Variants in ITIH6 observed in about 807,000 individuals in gnomAD.
ITIH6 encodes the protein inter-alpha-trypsin inhibitor heavy chain H6.
ITIH6 carries 60 observed loss-of-function variants against 58.2 expected under a neutral mutation model. The observed-to-expected ratio is 1.03, with a 90% CI of 0.84 to 1.28. ITIH6 has a LOEUF of 1.28. ITIH6 is among the 50% of genes most tolerant of loss of function. The pLI is 0.00. For synonymous variants in ITIH6, 493 were observed against 417.4 expected (o/e 1.18, Z -2.21); for missense variants, 1,290 against 1,021.1 (o/e 1.26, Z -3.59).
rs137927214 is a variant in ITIH6, at chrX:54,750,543, C to T, written c.3731-437G>A. ...GCAGTCTCCAGAGGGATCTTTGTAA[C>T]ACCCAGATATGACTGTGTCTCTCCT... On this transcript the variant is annotated intron_variant, in intron 12 of 12. Coordinates refer to ENST00000218436, the MANE Select transcript of ITIH6 (RefSeq NM_198510.3). Among the ~76,000 whole-genome samples, 393 of 111,743 alleles carry T rather than the reference C, an allele frequency of 3.5e-3. 2 individuals are homozygous for T. Among genetic ancestry groups the T allele is most frequent in the African/African-American group, 0.012 (366 of 30,755 alleles).
chrX:54,785,392 G>T (rs1310785900), intron 5 of ITIH6, among the ~76,000 whole-genome samples: 1 of 111,522 alleles, frequency 9.0e-6, no homozygotes, highest in Non-Finnish European at 1.9e-5. Flanking sequence ...GTAACACAGG[G>T]ATACATGCTT....
At chrX:54,785,289 CTT>C (rs748952208) in intron 5 of ITIH6, among the ~76,000 whole-genome samples, 119 of 110,553 alleles carry the variant, frequency 1.1e-3, no homozygotes, top group African/African-American at 3.7e-3. Context: ...ATGGATAAGA[CTT>C]AGTATTTGAT....
chrX:54,759,310 C>G (rs937722479), intron 7 of ITIH6, among the ~76,000 whole-genome samples: 12 of 111,125 alleles, frequency 1.1e-4, no homozygotes, highest in Non-Finnish European at 1.3e-4. Flanking sequence ...AGGCTAGCAC[C>G]CCCCCCTCCA....
At chrX:54,769,071 C>T (rs1190795387) in intron 6 of ITIH6, among the ~76,000 whole-genome samples, 1 of 101,729 alleles carries the variant, frequency 9.8e-6, no homozygotes, top group African/African-American at 3.8e-5. Context: ...GGAGGCTTTG[C>T]TCATTTCTTT....
At position 54,767,008 on chromosome X, in the gene ITIH6, C is replaced by T. The variant is rs1487440623; in HGVS notation, c.903+7073G>A. Among the ~76,000 whole-genome samples the T allele has an allele frequency of 5.4e-5, 6 of 110,253 alleles. No individual in the cohort carries two copies. In the East Asian group the frequency reaches 1.7e-3, roughly 31 times the overall value. On this transcript the variant is annotated intron_variant, in intron 6 of 12. Coordinates refer to ENST00000218436, the MANE Select transcript of ITIH6 (RefSeq NM_198510.3). The stretch of plus-strand genomic sequence containing the variant: ...CCTCTGGTAGAATTCGGCTATGAAT[C>T]CATCTGGTCCTGGACTCTTTTTGGT...
chrX:54,754,943 C>T (rs1000237378), intron 9 of ITIH6, 74 bp downstream of exon 9: 5 of 807,310 alleles, frequency 6.2e-6, no homozygotes, highest in Non-Finnish European at 9.3e-6. Flanking sequence ...TGGTCTCCCA[C>T]AATGTCAATA....
intron 2 of ITIH6, among the ~76,000 whole-genome samples, chrX:54,794,927 C>T (rs181469838): frequency 6.1e-4 from 68 of 111,817 alleles, no homozygotes; most frequent in Middle Eastern, 4.6e-3. Flanking sequence ...TTTATCACCT[C>T]AACAGGGTAC....
rs1406013540 is a variant in ITIH6, at chrX:54,759,876, A to G, written c.955T>C (p.Phe319Leu). 1 of 1,210,516 alleles carries G rather than the reference A, an allele frequency of 8.3e-7. No individual in the cohort carries two copies. The highest frequency in any genetic ancestry group is 1.7e-5 in the African/African-American group (1 of 57,827). ...GTGTCAGAAAAGGAGATGATGTTGA[A>G]GTAGTCATTGGCTTGAAGGTCACTG... ...ILSDLQANDY[F>L]NIISFSDTVN... The change falls in exon 7 of 13, where the codon TTC becomes CTC. Residue 319 changes from phenylalanine to leucine, a missense_variant. Phe to Leu is a conservative substitution (Grantham distance 22, BLOSUM62 0). Transcript: ENST00000218436.
Position 54,751,281 on chromosome X carries a change from T to A in ITIH6, c.3452A>T (p.Lys1151Ile). The stretch of plus-strand genomic sequence containing the variant: ...GATGGTGATAGTATAGGCCCGGGGT[T>A]TGTCTGTAGTGACTGTGATGATCTG... ...YFQIITVTTD[K>I]PRAYTITISR... The change falls in exon 12 of 13, where the codon AAA (lysine) becomes ATA (isoleucine). Residue 1151 changes from lysine to isoleucine, a missense_variant. Physicochemically the swap from Lys to Ile is moderately radical, Grantham distance 102 (BLOSUM62 -3). Transcript: ENST00000218436. 3 of 1,211,830 alleles carry A rather than the reference T, an allele frequency of 2.5e-6. No homozygotes were observed. The highest frequency in any genetic ancestry group is 3.4e-6 in the Non-Finnish European group (3 of 895,422).
intron 9 of ITIH6, among the ~76,000 whole-genome samples, chrX:54,754,518 G>A (rs1236350265): frequency 8.9e-6 from 1 of 111,996 alleles, no homozygotes; most frequent in Non-Finnish European, 1.9e-5. Context: ...GAAATTTAAA[G>A]TGTGAGAAGG....
rs5961130 is a variant in ITIH6, at chrX:54,755,170, T to C, written c.3110-61A>G. 22,234 of 1,040,114 alleles carry C rather than the reference T, an allele frequency of 0.021. 2,558 individuals carry two copies. In the African/African-American group the frequency reaches 0.35, roughly 16 times the overall value. 85.7% of individuals were successfully genotyped at this position (1,040,114 alleles called of 1,213,427 possible). ...ATTCCAGGGGCAAAGTCTCAAAATC[T>C]TTCTGACAAGGAGAGCCCTCACTGG... is the stretch of plus-strand genomic sequence containing the variant. On this transcript the variant is annotated intron_variant, in intron 8 of 12. Transcript: ENST00000218436.
chrX:54,762,343 G>A (rs1481110289), intron 6 of ITIH6, among the ~76,000 whole-genome samples: 1 of 111,480 alleles, frequency 9.0e-6, no homozygotes, highest in Non-Finnish European at 1.9e-5. Context: ...TTTGGGCTAA[G>A]ACAATGGGGT....
At chrX:54,751,636 T>A (rs1375853629) in intron 11 of ITIH6, among the ~76,000 whole-genome samples, 3 of 112,274 alleles carry the variant, frequency 2.7e-5, no homozygotes, top group Non-Finnish European at 5.6e-5. Context: ...GAGTGTGTAA[T>A]ATGTGTGTTT....
Position 54,759,935 on chromosome X carries a change from A to G in ITIH6, c.904-8T>C, listed in dbSNP as rs1227408925. On this transcript the variant is annotated splice_region_variant and splice_polypyrimidine_tract_variant and intron_variant, in intron 6 of 12. Coordinates refer to ENST00000218436, the MANE Select transcript of ITIH6 (RefSeq NM_198510.3). ...ATTCATGGCCGTTTTAGTCTGTGGG[A>G]TATGGATGAAATGAAGAGAATGGGA... is the stretch of plus-strand genomic sequence containing the variant. The G allele has an allele frequency of 1.0e-5, 12 of 1,193,841 alleles. No individual in the cohort carries two copies. The highest frequency in any genetic ancestry group is 1.2e-5 in the Non-Finnish European group (11 of 883,990).
chrX:54,750,887 G>A (rs1415172245), intron 12 of ITIH6, 116 bp downstream of exon 12: 10 of 781,727 alleles, frequency 1.3e-5, no homozygotes, highest in Non-Finnish European at 1.6e-5. Flanking sequence ...GCTCCCCAAG[G>A]GAAGAGTCTG....
At position 54,757,542 on chromosome X, in the gene ITIH6, G is replaced by A. The variant is rs1928520629; in HGVS notation, c.2532C>T (p.Ile844=). Residue 844 remains isoleucine (I), a synonymous_variant, in exon 8 of 13, where the codon ATC becomes ATT. Transcript: ENST00000218436. ...RNNMPHLGPG[I]LLSKTPKILL... ...AGATTTTAGGGGTCTTGGACAAGAGGATTCCAGGCCCCAGGTGTGGCATGT... is the reference window on the plus strand; with the variant it reads ...AGATTTTAGGGGTCTTGGACAAGAGAATTCCAGGCCCCAGGTGTGGCATGT... 2 of 1,208,093 alleles carry A rather than the reference G, an allele frequency of 1.7e-6. No individual in the cohort carries two copies. Among genetic ancestry groups the A allele is most frequent in the Non-Finnish European group, 1.1e-6 (1 of 894,388 alleles).
chrX:54,785,794 G>T (rs752640942), intron 5 of ITIH6, among the ~76,000 whole-genome samples: 1 of 111,557 alleles, frequency 9.0e-6, no homozygotes, highest in Non-Finnish European at 1.9e-5. Context: ...CTGGGGCTCT[G>T]GGCAGCTGTG....
intron 9 of ITIH6, 24 bp downstream of exon 9, chrX:54,754,993 T>A: frequency 8.8e-7 from 1 of 1,142,813 alleles, no homozygotes; most frequent in Non-Finnish European, 1.2e-6. Flanking sequence ...CAGGGGATCT[T>A]TGTCAGGAGA....
intron 6 of ITIH6, among the ~76,000 whole-genome samples, chrX:54,763,191 C>T (rs1280042383): frequency 2.7e-5 from 3 of 111,954 alleles, no homozygotes; most frequent in African/African-American, 6.5e-5. Context: ...ATAACTTAAA[C>T]GGATAGGAAA....
Sources: allele counts gnomAD v4.1 joint callset (sites outside exome capture counted in the v4.1 genomes callset), GRCh38; gene constraint gnomAD v4.1.1; transcripts MANE v1.5; gene names NCBI Gene and HGNC (gene_info 2026-07-23, HGNC 2026-07-21).